ZNF221: variants seen among roughly 807,000 people sequenced by gnomAD.
The protein encoded by ZNF221 is zinc finger protein 221.
A neutral mutation model predicts 12.6 loss-of-function variants in ZNF221; 10 were observed. That is an observed-to-expected ratio of 0.79 (90% CI 0.49 to 1.34). ZNF221 has a LOEUF of 1.34. ZNF221 is among the 40% of genes most tolerant of loss of function. The pLI, the probability that ZNF221 is intolerant of heterozygous loss-of-function variation, is 0.00. For missense variants in ZNF221, 661 were observed against 721.4 expected, an observed-to-expected ratio of 0.92 and a Z score of 0.96; for synonymous variants, 232 against 244.0, an observed-to-expected ratio of 0.95 and a Z score of 0.46.
At chr19:43,972,586 G>C (rs1395828280), downstream of ZNF221, among the ~76,000 whole-genome samples, 1 of 151,894 alleles carries the variant, frequency 6.6e-6, no homozygotes, top group African/African-American at 2.4e-5. Context: ...TGACCCCACA[G>C]AAATACAAGC....
In ZNF221 at chr19:43,966,630, T is replaced by G; in HGVS notation, c.1128T>G (p.Ile376Met). ...YKCEQCGKGF[I>M]CRRDFCKHQM... The stretch of plus-strand genomic sequence containing the variant: ...GTGAGCAATGTGGAAAAGGCTTCAT[T>G]TGTAGGCGAGATTTTTGTAAGCATC... The change falls in exon 5 of 5, where the codon ATT becomes ATG. Residue 376 changes from isoleucine to methionine, a missense_variant. Coordinates refer to ENST00000587682, the MANE Select transcript of ZNF221 (RefSeq NM_001297588.2). 1 of 1,614,044 alleles carries G rather than the reference T, an allele frequency of 6.2e-7. No individual in the cohort carries two copies. The highest frequency in any genetic ancestry group is 8.5e-7 in the Non-Finnish European group (1 of 1,179,982).
At chr19:43,957,211 T>C (rs184735078) in intron 1 of ZNF221, among the ~76,000 whole-genome samples, 38 of 152,346 alleles carry the variant, frequency 2.5e-4, no homozygotes, top group Admixed American at 1.6e-3. Flanking sequence ...GATGGAGTCC[T>C]GCTCTGTCGC....
chr19:43,957,996 A>G (rs1974782718), intron 1 of ZNF221, among the ~76,000 whole-genome samples: 1 of 152,234 alleles, frequency 6.6e-6, no homozygotes, highest in Non-Finnish European at 1.5e-5. Context: ...GGAAGGTATT[A>G]GTACAGTCCA....
downstream of ZNF221, among the ~76,000 whole-genome samples, chr19:43,969,124 G>T (rs1276909652): frequency 1.3e-5 from 2 of 152,180 alleles, no homozygotes; most frequent in East Asian, 3.9e-4. Context: ...AAAACCCACT[G>T]GCTTGGAATT....
chr19:43,965,711 A>G (rs1351999196), intron 4 of ZNF221, 93 bp from the exon 5 acceptor site: 21 of 1,201,656 alleles, frequency 1.7e-5, no homozygotes, highest in Non-Finnish European at 2.2e-5. Context: ...TCCTGTTTTC[A>G]TTAAAGTTTA....
In ZNF221 at chr19:43,966,927, G is replaced by A. The variant is rs1263799176; in HGVS notation, c.1425G>A (p.Glu475=). 1 of 1,614,114 alleles carries A rather than the reference G, an allele frequency of 6.2e-7. No individual in the cohort carries two copies. Among genetic ancestry groups the A allele is most frequent in the African/African-American group, 1.3e-5 (1 of 74,930 alleles). ...LEFHQRVHTG[E]RPYNCKECGK... ...TTCACCAGAGGGTCCACACGGGTGAGAGACCCTATAATTGTAAGGAATGTG... is the reference window on the plus strand; with the variant it reads ...TTCACCAGAGGGTCCACACGGGTGAAAGACCCTATAATTGTAAGGAATGTG... The change falls in exon 5 of 5, where the codon GAG becomes GAA. Residue 475 remains glutamate (E), a synonymous_variant. Transcript: ENST00000587682.
the ZNF221 span, among the ~76,000 whole-genome samples, chr19:43,973,973 G>A: frequency 2.0e-5 from 3 of 152,196 alleles, no homozygotes; most frequent in Non-Finnish European, 4.4e-5. Flanking sequence ...AACAAAGCTG[G>A]AGGCATTATG....
chr19:43,954,780 G>A (rs778477885), intron 1 of ZNF221, among the ~76,000 whole-genome samples: 58 of 152,020 alleles, frequency 3.8e-4, no homozygotes, highest in South Asian at 8.3e-4. Context: ...GGTAATATGG[G>A]GAAGAAGGAA....
At chr19:43,963,252 C>T (rs1411791475) in intron 2 of ZNF221, among the ~76,000 whole-genome samples, 3 of 152,122 alleles carry the variant, frequency 2.0e-5, no homozygotes, top group Admixed American at 6.6e-5. Flanking sequence ...CACTCATAGA[C>T]ATTTAGGTGG....
At chr19:43,958,688 C>G (rs1181431659) in intron 1 of ZNF221, among the ~76,000 whole-genome samples, 1 of 152,180 alleles carries the variant, frequency 6.6e-6, no homozygotes, top group African/African-American at 2.4e-5. Flanking sequence ...TAGGCAGGGT[C>G]TAGGAAGCTT....
At chr19:43,975,540 G>T in the ZNF221 span, among the ~76,000 whole-genome samples, 5 of 152,128 alleles carry the variant, frequency 3.3e-5, no homozygotes, top group African/African-American at 1.2e-4. Context: ...GCCTCTTGGA[G>T]GGGTGGAGGG....
intron 1 of ZNF221, among the ~76,000 whole-genome samples, chr19:43,956,230 C>G (rs1020972535): frequency 3.3e-5 from 5 of 152,194 alleles, no homozygotes; most frequent in Non-Finnish European, 5.9e-5. Flanking sequence ...CGGACTCAGG[C>G]AATCTTACTG....
intron 1 of ZNF221, among the ~76,000 whole-genome samples, chr19:43,960,008 TG>T (rs1479099999): frequency 6.6e-6 from 1 of 151,668 alleles, no homozygotes; most frequent in African/African-American, 2.4e-5. Context: ...CACTGAGCCA[TG>T]GGAACTTCTT....
chr19:43,967,748 G>A (rs980482465), downstream of ZNF221: 5 of 176,162 alleles, frequency 2.8e-5, no homozygotes, highest in African/African-American at 9.5e-5. Context: ...AAAGTGCTGG[G>A]ATTACAGGCG....
the ZNF221 span, chr19:43,977,466 G>T: frequency 6.6e-6 from 1 of 152,224 alleles, no homozygotes; most frequent in African/African-American, 2.4e-5. Flanking sequence ...ATTGATGAGT[G>T]TGGTCAACTG....
At chr19:43,978,882 G>A in the ZNF221 span, among the ~76,000 whole-genome samples, 1 of 150,552 alleles carries the variant, frequency 6.6e-6, no homozygotes, top group Non-Finnish European at 1.5e-5. Context: ...CATATCAGTA[G>A]GATATCCATT....
intron 1 of ZNF221, among the ~76,000 whole-genome samples, chr19:43,959,261 C>T (rs547632663): frequency 6.6e-6 from 1 of 152,298 alleles, no homozygotes; most frequent in African/African-American, 2.4e-5. Flanking sequence ...TTACCCTTCC[C>T]ATACACTGAT....
chr19:43,954,721 G>A (rs892380268), intron 1 of ZNF221, among the ~76,000 whole-genome samples: 1 of 152,148 alleles, frequency 6.6e-6, no homozygotes, highest in South Asian at 2.1e-4. Flanking sequence ...ACTTGTAGTT[G>A]TAGCCCTGAT....
rs1194220588 is a variant in ZNF221 at position 43,967,015 on chromosome 19, C to T, written c.1513C>T (p.Pro505Ser). Residue 505 changes from proline to serine, a missense_variant, in exon 5 of 5, where the codon CCT becomes TCT. Transcript: ENST00000587682. ...TCAGAGACTCCACAGTGGGGAAAAACCTTTCAAATGTGAAGAGTGTGGAAA... is the reference window on the plus strand; with the variant it reads ...TCAGAGACTCCACAGTGGGGAAAAATCTTTCAAATGTGAAGAGTGTGGAAA... ...KHQRLHSGEK[P>S]FKCEECGKRF... is the part of the protein sequence containing the mutation. 3.1e-6 allele frequency: 5 copies of T among 1,613,260 alleles called. No homozygotes were observed. The African/African-American group carries it at 6.7e-5, about 22-fold the overall frequency.
Sources: gnomAD v4.1 joint callset for allele counts (sites outside exome capture counted in the v4.1 genomes callset) on GRCh38, gnomAD v4.1.1 for gene constraint, MANE v1.5 for transcripts, NCBI Gene and HGNC (gene_info 2026-07-23, HGNC 2026-07-21) for gene names.